The following ZIM2 variants were observed in gnomAD, a reference collection of about 807,000 sequenced individuals.
ZIM2 encodes zinc finger imprinted 2.
In ZIM2, 14 loss-of-function variants were observed where a neutral mutation model predicts 38.6. The ratio of observed to expected loss-of-function variants is 0.36; its 90% CI spans 0.24 to 0.57. The LOEUF is 0.57. Among genes scored for constraint, ZIM2 ranks in the 20% least tolerant of loss-of-function variants. ZIM2 has a pLI of 0.81. For synonymous variants in ZIM2, 247 were observed against 245.8 expected, an observed-to-expected ratio of 1.00 and a Z score of -0.04; for missense variants, 680 against 695.1, an observed-to-expected ratio of 0.98 and a Z score of 0.24.
At position 56,789,922 on chromosome 19, in the gene ZIM2, C is replaced by T; in HGVS notation, c.520G>A (p.Glu174Lys). The T allele has an allele frequency of 5.7e-6, 9 of 1,580,560 alleles. No individual in the cohort carries two copies. Among genetic ancestry groups the T allele is most frequent in the Non-Finnish European group, 7.8e-6 (9 of 1,156,982 alleles). Reference sequence around the variant, plus strand: ...TCTAACATCTCTGTGTTCCTCTTTTCTGCAGGGACAGAGTCCTGAGCAAGG... The same window carrying T: ...TCTAACATCTCTGTGTTCCTCTTTTTTGCAGGGACAGAGTCCTGAGCAAGG... Reference protein sequence around the residue: ...GFLAQDSVPAEKRNTEMLDNL... With the variant: ...GFLAQDSVPAKKRNTEMLDNL... The change falls in exon 10 of 13, where the codon GAA becomes AAA. Residue 174 changes from glutamate to lysine, a missense_variant. Physicochemically the swap from Glu to Lys is moderately conservative, Grantham distance 56. Coordinates refer to ENST00000629319, the MANE Select transcript of ZIM2 (RefSeq NM_001387356.1).
intron 9 of ZIM2, chr19:56,812,713 C>T: frequency 5.1e-6 from 5 of 984,386 alleles, no homozygotes; most frequent in Non-Finnish European, 6.0e-6. Context: ...CTACTGTGAT[C>T]TAGTGATGGT....
At chr19:56,800,582 G>T (rs953406226) in intron 9 of ZIM2, among the ~76,000 whole-genome samples, 2 of 151,880 alleles carry the variant, frequency 1.3e-5, no homozygotes, top group Non-Finnish European at 2.9e-5. Context: ...TATTTAAAAA[G>T]GTAGAAAGGA....
intron 10 of ZIM2, among the ~76,000 whole-genome samples, chr19:56,786,594 C>T (rs2046617669): frequency 6.6e-6 from 1 of 152,152 alleles, no homozygotes; most frequent in Admixed American, 6.5e-5. Context: ...ATCCATGCTT[C>T]CCAGTGGACC....
chr19:56,813,240 C>T, intron 9 of ZIM2: 1 of 979,324 alleles, frequency 1.0e-6, no homozygotes, highest in Non-Finnish European at 1.2e-6. Context: ...GGTAAGGTAC[C>T]TCTGCAGAGT....
chr19:56,797,825 T>G (rs2047309207), intron 9 of ZIM2, among the ~76,000 whole-genome samples: 2 of 152,176 alleles, frequency 1.3e-5, no homozygotes, highest in Admixed American at 6.5e-5. Flanking sequence ...AGGGTGCCAG[T>G]GATGCCCACT....
rs111285003 is a variant in ZIM2, at chr19:56,803,754, A to T, written c.491-13803T>A. ...AATAATAAAGCCAACCTAGGGTCAA[A>T]ACAGGCAGCTTTAGGGAAGGTCACA... On this transcript the variant is annotated intron_variant, in intron 9 of 12. Coordinates refer to ENST00000629319, the MANE Select transcript of ZIM2 (RefSeq NM_001387356.1). 1.4e-3 allele frequency among the ~76,000 whole-genome samples: 212 copies of T among 152,298 alleles called. 1 individual carries two copies. The highest frequency in any genetic ancestry group is 4.1e-3 in the African/African-American group (169 of 41,554).
chr19:56,776,835 G>A (rs954673807), intron 12 of ZIM2, among the ~76,000 whole-genome samples: 1 of 152,038 alleles, frequency 6.6e-6, no homozygotes, highest in Non-Finnish European at 1.5e-5. Context: ...CGGGGAAGGG[G>A]GGCGAGTTTA....
chr19:56,809,790 T>A (rs966346746), intron 9 of ZIM2, among the ~76,000 whole-genome samples: 2 of 152,212 alleles, frequency 1.3e-5, no homozygotes, highest in African/African-American at 4.8e-5. Flanking sequence ...CATTTCCAAT[T>A]AAAAATGCCC....
chr19:56,822,151 T>C (rs1389741357), intron 6 of ZIM2, among the ~76,000 whole-genome samples: 1 of 152,232 alleles, frequency 6.6e-6, no homozygotes, highest in African/African-American at 2.4e-5. Flanking sequence ...ATGCCTATTG[T>C]GTTGTGAACC....
intron 9 of ZIM2, among the ~76,000 whole-genome samples, chr19:56,793,408 G>C (rs1484519275): frequency 6.6e-6 from 1 of 152,170 alleles, no homozygotes; most frequent in East Asian, 1.9e-4. Flanking sequence ...TTAAAGGCAG[G>C]CTGCTCCAGT....
chr19:56,840,142 G>C (rs2062829976), intron 1 of ZIM2, among the ~76,000 whole-genome samples: 1 of 152,186 alleles, frequency 6.6e-6, no homozygotes, highest in Non-Finnish European at 1.5e-5. Flanking sequence ...GGGCTCCCGA[G>C]AGCCGCATTC....
intron 9 of ZIM2, among the ~76,000 whole-genome samples, chr19:56,807,883 G>A (rs999018097): frequency 4.6e-5 from 7 of 152,188 alleles, no homozygotes; most frequent in Non-Finnish European, 1.0e-4. Flanking sequence ...ATTTAAGGGG[G>A]AAACTGGATC....
At chr19:56,790,142 T>C (rs1049299279) in intron 9 of ZIM2, 191 bp from the exon 10 acceptor site, 14 of 417,980 alleles carry the variant, frequency 3.3e-5, no homozygotes, top group Non-Finnish European at 5.8e-5. Flanking sequence ...GCTCTGGTTA[T>C]TTCCCAGCTC....
At chr19:56,829,316 C>A (rs1601168479) in intron 2 of ZIM2, among the ~76,000 whole-genome samples, 1 of 146,810 alleles carries the variant, frequency 6.8e-6, no homozygotes, top group East Asian at 2.0e-4. Context: ...TGCGCTCCAG[C>A]CTGGGCAACA....
chr19:56,810,976 A>T lies in ZIM2; in HGVS notation c.490+6770T>A, dbSNP rs908014051. 20 of 973,160 alleles carry T rather than the reference A, an allele frequency of 2.1e-5. No homozygotes were observed. In the African/African-American group the frequency reaches 3.5e-4, roughly 17 times the overall value. The allele number at this position is 973,160 out of a possible 1,614,324, so 60.3% of individuals were successfully genotyped here. A position where few individuals can be genotyped will look rare whatever the true frequency, so the allele number is the denominator to read the frequency against. On this transcript the variant is annotated intron_variant, in intron 9 of 12. Transcript: ENST00000629319. ...TGAAAGTATTTAACCATAATTCCACAAAGGTAATGTAACAGCTATTTTGAA... is the reference window on the plus strand; with the variant it reads ...TGAAAGTATTTAACCATAATTCCACTAAGGTAATGTAACAGCTATTTTGAA...
intron 7 of ZIM2, 89 bp from the exon 8 acceptor site, chr19:56,818,791 T>C (rs1484259006): frequency 2.8e-6 from 4 of 1,421,316 alleles, no homozygotes; most frequent in Non-Finnish European, 4.0e-6. Flanking sequence ...GAGTTACATA[T>C]ATGAAGTTAT....
intron 9 of ZIM2, chr19:56,816,636 A>G (rs1243800946): frequency 6.2e-7 from 1 of 1,612,744 alleles, no homozygotes; most frequent in Non-Finnish European, 8.5e-7. Context: ...CCCCGCGCTC[A>G]CGTTCACGTT....
At chr19:56,810,296 A>C in intron 9 of ZIM2, 1 of 973,720 alleles carries the variant, frequency 1.0e-6, no homozygotes, top group Non-Finnish European at 1.2e-6. Flanking sequence ...TATATAATGG[A>C]AATATATGTA....
chr19:56,830,848 C>G (rs1010531081), intron 2 of ZIM2, among the ~76,000 whole-genome samples: 1 of 151,820 alleles, frequency 6.6e-6, no homozygotes, highest in Admixed American at 6.6e-5. Flanking sequence ...TGCAGGGGGG[C>G]CCTGGGAGGT....
Sources: allele counts gnomAD v4.1 joint callset (sites outside exome capture counted in the v4.1 genomes callset), GRCh38; gene constraint gnomAD v4.1.1; transcripts MANE v1.5; gene names NCBI Gene and HGNC (gene_info 2026-07-23, HGNC 2026-07-21).